PRDM5: variants seen among roughly 807,000 people sequenced by gnomAD.
PRDM5 encodes the protein PR/SET domain 5.
In PRDM5, 56 loss-of-function variants were observed where a neutral mutation model predicts 81.2. That is an observed-to-expected ratio of 0.69 (90% CI 0.56 to 0.86). The LOEUF (loss-of-function observed/expected upper bound fraction) is 0.86, where lower values mean the gene tolerates loss of function less well. Ranked by LOEUF, PRDM5 falls within the 40% of genes least tolerant of loss-of-function variation. The pLI, the probability that PRDM5 is intolerant of heterozygous loss-of-function variation, is 0.00. For missense variants in PRDM5, 697 were observed against 770.1 expected, an observed-to-expected ratio of 0.91 and a Z score of 1.12; for synonymous variants, 267 against 256.4, an observed-to-expected ratio of 1.04 and a Z score of -0.39.
chr4:120,755,610 C>T (rs1288252276), intron 13 of PRDM5, among the ~76,000 whole-genome samples: 1 of 152,166 alleles, frequency 6.6e-6, no homozygotes, highest in Admixed American at 6.5e-5. Flanking sequence ...ATATCATGTG[C>T]ATTATCCCAG....
chr4:120,789,552 G>T (rs541261095), intron 10 of PRDM5, among the ~76,000 whole-genome samples: 2 of 152,186 alleles, frequency 1.3e-5, no homozygotes, highest in East Asian at 3.9e-4. Context: ...TATTCCAGAG[G>T]TATGTTTGCT....
At chr4:120,705,018 A>G (rs1735908279) in intron 15 of PRDM5, among the ~76,000 whole-genome samples, 1 of 152,180 alleles carries the variant, frequency 6.6e-6, no homozygotes, top group Admixed American at 6.5e-5. Context: ...AAGAAAGTGG[A>G]CGTATGTTTT....
At chr4:120,894,251 A>G (rs1037595745) in intron 2 of PRDM5, among the ~76,000 whole-genome samples, 4 of 152,196 alleles carry the variant, frequency 2.6e-5, no homozygotes, top group East Asian at 1.9e-4. Context: ...GAAACCCGCA[A>G]TGCTTTAATT....
At chr4:120,909,218 C>T (rs1766195081) in intron 1 of PRDM5, among the ~76,000 whole-genome samples, 1 of 152,172 alleles carries the variant, frequency 6.6e-6, no homozygotes, top group Non-Finnish European at 1.5e-5. Context: ...CAGGCAACAT[C>T]CACTTCACCA....
intron 13 of PRDM5, chr4:120,762,787 T>G (rs945450163): frequency 3.3e-5 from 5 of 152,158 alleles, no homozygotes; most frequent in Non-Finnish European, 5.9e-5. Flanking sequence ...AACCCCACCT[T>G]GTTACTCTTG....
intron 3 of PRDM5, among the ~76,000 whole-genome samples, chr4:120,834,234 G>A (rs566594792): frequency 6.6e-6 from 1 of 152,058 alleles, no homozygotes; most frequent in Non-Finnish European, 1.5e-5. Flanking sequence ...CTGAATATTT[G>A]TGTCCCCCCA....
intron 3 of PRDM5, among the ~76,000 whole-genome samples, chr4:120,840,767 C>A (rs1462460574): frequency 6.6e-6 from 1 of 152,190 alleles, no homozygotes; most frequent in African/African-American, 2.4e-5. Context: ...CATGGTGGCC[C>A]CTAGGGCGGC....
intron 3 of PRDM5, among the ~76,000 whole-genome samples, chr4:120,844,643 C>A (rs924566369): frequency 6.6e-6 from 1 of 152,284 alleles, no homozygotes; most frequent in Non-Finnish European, 1.5e-5. Flanking sequence ...CTCCTCAGAC[C>A]TCCCTATTCC....
At chr4:120,753,349 T>C (rs749746843) in intron 14 of PRDM5, among the ~76,000 whole-genome samples, 1 of 152,216 alleles carries the variant, frequency 6.6e-6, no homozygotes, top group Non-Finnish European at 1.5e-5. Context: ...TTATGGTTTA[T>C]GAAGTACTTT....
rs1319351387 is a variant in PRDM5, at chr4:120,692,700, T to TAA, written c.*2409_*2410dup. On this transcript the variant is annotated 3_prime_UTR_variant, in exon 16 of 16. Transcript: ENST00000264808. ...CAATTACTTAGACTTTATAGGCACC[T>TAA]AAGGGTCTGGTCTTTTCTCAAGAAA... 6.6e-6 allele frequency: 1 copy of TAA among 152,068 alleles called. No homozygotes were observed. Among genetic ancestry groups the TAA allele is most frequent in the Non-Finnish European group, 1.5e-5 (1 of 67,996 alleles). 9.4% of individuals were successfully genotyped at this position (152,068 alleles called of 1,614,324 possible).
intron 15 of PRDM5, among the ~76,000 whole-genome samples, chr4:120,699,055 T>C (rs564109923): frequency 2.3e-4 from 35 of 150,818 alleles, no homozygotes; most frequent in African/African-American, 8.5e-4. Flanking sequence ...AATGCTAAAT[T>C]AATATTTATG....
intron 2 of PRDM5, among the ~76,000 whole-genome samples, chr4:120,886,387 G>A (rs1203308297): frequency 6.6e-6 from 1 of 152,196 alleles, no homozygotes; most frequent in African/African-American, 2.4e-5. Context: ...GTTCCCAACA[G>A]CAGGACAGCT....
At chr4:120,754,461 G>T in intron 14 of PRDM5, 92 bp downstream of exon 14, 1 of 831,436 alleles carries the variant, frequency 1.2e-6, no homozygotes, top group Non-Finnish European at 1.9e-6. Context: ...CCAGTGTATT[G>T]CCTTTATTTT....
At chr4:120,701,205 G>A (rs1735309985) in intron 15 of PRDM5, among the ~76,000 whole-genome samples, 1 of 151,910 alleles carries the variant, frequency 6.6e-6, no homozygotes, top group Non-Finnish European at 1.5e-5. Flanking sequence ...CAGAGAAAAG[G>A]GAATGCTTAT....
chr4:120,705,660 T>A (rs1331822433), intron 15 of PRDM5, among the ~76,000 whole-genome samples: 1 of 152,100 alleles, frequency 6.6e-6, no homozygotes, highest in African/African-American at 2.4e-5. Flanking sequence ...ATGATAAAAC[T>A]GGTTTTCACT....
At position 120,922,314 on chromosome 4, in the gene PRDM5, G is replaced by A. The variant is rs3761726; in HGVS notation, c.93+202C>T. Among the ~76,000 whole-genome samples the A allele has an allele frequency of 0.019, 2,941 of 152,092 alleles. 95 individuals are homozygous for A. Among genetic ancestry groups the A allele is most frequent in the East Asian group, 0.15 (785 of 5,118 alleles). ...ACCCCGCCGCCACCTACGTGGCGCT[G>A]CCTGCTCGGGTGGCGCAGCGAGTAA... On this transcript the variant is annotated intron_variant, in intron 1 of 15. Coordinates refer to ENST00000264808, the MANE Select transcript of PRDM5 (RefSeq NM_018699.4).
At chr4:120,854,274 C>G (rs1325795381) in intron 2 of PRDM5, among the ~76,000 whole-genome samples, 5 of 152,120 alleles carry the variant, frequency 3.3e-5, no homozygotes, top group African/African-American at 1.2e-4. Flanking sequence ...TCTAGCTTCT[C>G]CAAAACCCCT....
At chr4:120,754,663 T>C in intron 13 of PRDM5, 25 bp from the exon 14 acceptor site, 1 of 1,499,276 alleles carries the variant, frequency 6.7e-7, no homozygotes, top group Non-Finnish European at 9.3e-7. Context: ...AGCCTCCATG[T>C]CAGAAAAACA....
chr4:120,907,515 C>T lies in PRDM5; in HGVS notation c.136G>A (p.Glu46Lys). The T allele has an allele frequency of 6.2e-7, 1 of 1,613,044 alleles. No individual in the cohort carries two copies. Among genetic ancestry groups the T allele is most frequent in the East Asian group, 2.2e-5 (1 of 44,858 alleles). ...TAATCCATATTTTCATCCAAGTCTT[C>T]AGGCATTCTCTTCTCTCCAGCAAAG... ...GPFAGEKRMPEDLDENMDYRL... is the reference protein window; with the variant it reads ...GPFAGEKRMPKDLDENMDYRL... Residue 46 changes from glutamate (E) to lysine (K), a missense_variant, in exon 2 of 16, where the codon GAA becomes AAA. Physicochemically the swap from Glu to Lys is moderately conservative, Grantham distance 56 (BLOSUM62 1). Coordinates refer to ENST00000264808, the MANE Select transcript of PRDM5 (RefSeq NM_018699.4).
Sources: allele counts gnomAD v4.1 joint callset (sites outside exome capture counted in the v4.1 genomes callset), GRCh38; gene constraint gnomAD v4.1.1; transcripts MANE v1.5; gene names NCBI Gene and HGNC (gene_info 2026-07-23, HGNC 2026-07-21).